FHAD1: variants seen among roughly 807,000 people sequenced by gnomAD.
FHAD1 encodes forkhead associated phosphopeptide binding domain 1.
In FHAD1, 146 loss-of-function variants were observed where a neutral mutation model predicts 191.3. The observed-to-expected ratio is 0.76, with a 90% CI of 0.67 to 0.88. FHAD1 has a LOEUF of 0.88. Among genes scored for constraint, FHAD1 ranks in the 40% least tolerant of loss-of-function variants. FHAD1 has a pLI of 0.00. For missense variants in FHAD1, 1,635 were observed against 1,785.8 expected (o/e 0.92, Z 1.52); for synonymous variants, 616 against 672.3 (o/e 0.92, Z 1.29).
Position 15,317,837 on chromosome 1 carries a change from T to C in FHAD1, c.1274T>C (p.Met425Thr). The change falls in exon 10 of 34, where the codon ATG becomes ACG. Residue 425 changes from methionine to threonine, a missense_variant. Met to Thr is a moderately conservative substitution (Grantham distance 81, BLOSUM62 -1). Coordinates refer to ENST00000688493, the MANE Select transcript of FHAD1 (RefSeq NM_001391957.1). ...LKLCKTQIQD[M>T]EKEMKKLRAE... Reference sequence around the variant, plus strand: ...AAACTTTTTCAGCAAATCCAAGACATGGAGAAAGAAATGAAGAAGCTTAGG... The same window carrying C: ...AAACTTTTTCAGCAAATCCAAGACACGGAGAAAGAAATGAAGAAGCTTAGG... The C allele has an allele frequency of 2.6e-6, 4 of 1,551,196 alleles. No individual in the cohort carries two copies. The highest frequency in any genetic ancestry group is 2.4e-5 in the East Asian group (1 of 40,902).
rs76323473 is a variant in FHAD1 at position 15,381,192 on chromosome 1, G to A, written c.3802-39G>A. The A allele has an allele frequency of 1.2e-3, 1,799 of 1,439,890 alleles. 3 individuals carry two copies. The highest frequency in any genetic ancestry group is 1.4e-3 in the Non-Finnish European group (1,421 of 1,050,004). The allele number at this position is 1,439,890 out of a possible 1,614,324, so 89.2% of individuals were successfully genotyped here. ...CTCCTTAAAGCGGCCACCAGCGGCC[G>A]CGGGTAATGCCTCTTATGCGCGAAC... On this transcript the variant is annotated intron_variant, in intron 29 of 33. Coordinates refer to ENST00000688493, the MANE Select transcript of FHAD1 (RefSeq NM_001391957.1). The surrounding 1 kb of genome is among the most constrained non-coding windows in gnomAD (Gnocchi z 4.6).
chr1:15,388,995 G>T (rs1703087426), intron 32 of FHAD1, among the ~76,000 whole-genome samples: 1 of 152,180 alleles, frequency 6.6e-6, no homozygotes, highest in South Asian at 2.1e-4. Flanking sequence ...CAGTGCTCAG[G>T]TGTCCACTGA....
At chr1:15,291,969 A>AGTCAAAC (rs1005795746) in intron 4 of FHAD1, among the ~76,000 whole-genome samples, 1 of 152,134 alleles carries the variant, frequency 6.6e-6, no homozygotes, top group African/African-American at 2.4e-5. Flanking sequence ...GTCTCTTAAG[A>AGTCAAAC]TCCAGCCTCA....
At chr1:15,271,546 C>T (rs1051038150) in intron 2 of FHAD1, among the ~76,000 whole-genome samples, 4 of 152,164 alleles carry the variant, frequency 2.6e-5, no homozygotes, top group Non-Finnish European at 5.9e-5. Context: ...ACACCAAGCC[C>T]CCTTTTGAAA....
rs1463391142 is a variant in FHAD1 at position 15,383,189 on chromosome 1, A to G, written c.4188+996A>G. On this transcript the variant is annotated intron_variant, in intron 31 of 33. Coordinates refer to ENST00000688493, the MANE Select transcript of FHAD1 (RefSeq NM_001391957.1). ...AGCTTCCAGCCCCTGCCTCGCAGAC[A>G]GATGGTGAGGATGAAAGAATGCAGG... 6 of 471,520 alleles carry G rather than the reference A, an allele frequency of 1.3e-5. No homozygotes were observed. The East Asian group carries it at 4.2e-4, about 33-fold the overall frequency. The allele number at this position is 471,520 out of a possible 1,614,324, so 29.2% of individuals were successfully genotyped here. A position where few individuals can be genotyped will look rare whatever the true frequency, so the allele number is the denominator to read the frequency against.
rs1679108296 is a variant in FHAD1 at position 15,327,308 on chromosome 1, G to C, written c.1557+166G>C. 1 of 552,788 alleles carries C rather than the reference G, an allele frequency of 1.8e-6. No homozygotes were observed. Among genetic ancestry groups the C allele is most frequent in the South Asian group, 2.7e-5 (1 of 37,498 alleles). The allele number at this position is 552,788 out of a possible 1,614,324, so 34.2% of individuals were successfully genotyped here. On this transcript the variant is annotated intron_variant, in intron 12 of 33. Coordinates refer to ENST00000688493, the MANE Select transcript of FHAD1 (RefSeq NM_001391957.1). This position sits in a 1 kb window ranked among gnomAD's most constrained non-coding sequence, Gnocchi z 5.1. Reference sequence around the variant, plus strand: ...TTGTTTTGATTTTATGGGATTTCCTGGCTTTTAAAGTAAAAGCCAGTTAAA... The same window carrying C: ...TTGTTTTGATTTTATGGGATTTCCTCGCTTTTAAAGTAAAAGCCAGTTAAA...
At chr1:15,295,296 A>AT (rs916285245) in intron 4 of FHAD1, among the ~76,000 whole-genome samples, 9 of 152,112 alleles carry the variant, frequency 5.9e-5, no homozygotes, top group African/African-American at 1.9e-4. Flanking sequence ...TTGTATTGTT[A>AT]TTTTTTATTG....
Position 15,329,972 on chromosome 1 carries a change from G to C in FHAD1, c.1906+431G>C, listed in dbSNP as rs1264386489. ...GATCATTAAAATGCATGAATATATG[G>C]AAAGTACTTGGAATAGTACCTGGCA... On this transcript the variant is annotated intron_variant, in intron 14 of 33. Transcript: ENST00000688493. The surrounding 1 kb of genome is among the most constrained non-coding windows in gnomAD (Gnocchi z 5.0). 1 of 163,432 alleles carries C rather than the reference G, an allele frequency of 6.1e-6. No individual in the cohort carries two copies. The highest frequency in any genetic ancestry group is 2.4e-5 in the African/African-American group (1 of 41,856). 10.1% of individuals were successfully genotyped at this position (163,432 alleles called of 1,614,324 possible).
intron 17 of FHAD1, 96 bp from the exon 18 acceptor site, chr1:15,345,320 G>A (rs1688447831): frequency 2.2e-6 from 3 of 1,359,698 alleles, no homozygotes; most frequent in Non-Finnish European, 3.1e-6. Flanking sequence ...CTAGGGAGGT[G>A]TAGTCTGGAG....
At position 15,381,076 on chromosome 1, in the gene FHAD1, C is replaced by T. The variant is rs1292975075; in HGVS notation, c.3802-155C>T. On this transcript the variant is annotated intron_variant, in intron 29 of 33. Transcript: ENST00000688493. This position sits in a 1 kb window ranked among gnomAD's most constrained non-coding sequence, Gnocchi z 4.6. ...AAATGGATGTGGGAGAAAGGAAAGT[C>T]ATGCTGAAAGCCCCAGTTGCACATC... Among the ~76,000 whole-genome samples, 2 of 152,220 alleles carry T rather than the reference C, an allele frequency of 1.3e-5. No individual in the cohort carries two copies. Among genetic ancestry groups the T allele is most frequent in the African/African-American group, 4.8e-5 (2 of 41,460 alleles).
At chr1:15,301,528 GT>G in intron 6 of FHAD1, 87 bp downstream of exon 6, 1 of 1,122,470 alleles carries the variant, frequency 8.9e-7, no homozygotes, top group South Asian at 1.5e-5. Flanking sequence ...GCCACCCAGA[GT>G]TAGGGAACGC....
chr1:15,373,114 AC>A (rs1278273023), intron 26 of FHAD1, among the ~76,000 whole-genome samples: 1 of 152,116 alleles, frequency 6.6e-6, no homozygotes, highest in Non-Finnish European at 1.5e-5. Flanking sequence ...GGAGGTCTTG[AC>A]CCTCTGGACG....
intron 14 of FHAD1, among the ~76,000 whole-genome samples, chr1:15,333,768 T>C (rs1331853164): frequency 6.6e-6 from 1 of 152,054 alleles, no homozygotes; most frequent in East Asian, 1.9e-4. Context: ...TTGTGTACTT[T>C]TATCCTCCCA....
chr1:15,245,023 G>C (rs1372628431), upstream of FHAD1, among the ~76,000 whole-genome samples: 1 of 152,190 alleles, frequency 6.6e-6, no homozygotes, highest in Non-Finnish European at 1.5e-5. Context: ...CATGATGAGA[G>C]AGGAAGTGAG....
chr1:15,372,142 G>A (rs575966808), intron 26 of FHAD1, among the ~76,000 whole-genome samples: 1 of 152,000 alleles, frequency 6.6e-6, no homozygotes, highest in East Asian at 1.9e-4. Flanking sequence ...CATGGGGGTG[G>A]TCAGGTGATC....
chr1:15,346,859 G>T (rs1049270310), intron 18 of FHAD1, among the ~76,000 whole-genome samples: 1 of 152,234 alleles, frequency 6.6e-6, no homozygotes, highest in Non-Finnish European at 1.5e-5. Flanking sequence ...GCGGCTGTGG[G>T]CTCAGATCTA....
intron 13 of FHAD1, 133 bp downstream of exon 13, chr1:15,328,562 G>T (rs1041862902): frequency 1.2e-5 from 9 of 751,784 alleles, no homozygotes; most frequent in Non-Finnish European, 1.7e-5. Context: ...TTTTCCTCTT[G>T]TTGGAGAAAC....
At chr1:15,376,847 G>A (rs1265164426) in intron 28 of FHAD1, among the ~76,000 whole-genome samples, 1 of 152,132 alleles carries the variant, frequency 6.6e-6, no homozygotes, top group East Asian at 1.9e-4. Flanking sequence ...ACCAGCCTGG[G>A]AAACATAGCG....
chr1:15,256,259 G>C (rs1210373054), intron 2 of FHAD1, among the ~76,000 whole-genome samples: 2 of 152,146 alleles, frequency 1.3e-5, no homozygotes, highest in Admixed American at 1.3e-4. Context: ...TGTTAAACAT[G>C]AATCCCAAGG....
Sources: allele counts gnomAD v4.1 joint callset (sites outside exome capture counted in the v4.1 genomes callset), GRCh38; gene constraint gnomAD v4.1.1; non-coding constraint Gnocchi (gnomAD v3.1); transcripts MANE v1.5; gene names NCBI Gene and HGNC (gene_info 2026-07-23, HGNC 2026-07-21).